The following ZNF569 variants were observed in gnomAD, a reference collection of about 807,000 sequenced individuals.
The protein encoded by ZNF569 is DNA-binding protein.
Under a neutral mutation model 56.3 loss-of-function variants are expected in ZNF569, and 38 were observed. The observed-to-expected ratio is 0.68, with a 90% confidence interval of 0.52 to 0.88. The LOEUF (loss-of-function observed/expected upper bound fraction) is 0.88, where lower values mean the gene tolerates loss of function less well. ZNF569 is among the 40% of genes least tolerant of loss of function. The probability of loss-of-function intolerance (pLI) is 0.00; values close to 1 mark genes in which losing one functional copy is unlikely to be tolerated. For synonymous variants in ZNF569, 241 were observed against 262.9 expected, an observed-to-expected ratio of 0.92 and a Z score of 0.81; for missense variants, 666 against 809.2, an observed-to-expected ratio of 0.82 and a Z score of 2.15.
intron 2 of ZNF569, among the ~76,000 whole-genome samples, chr19:37,458,652 C>T (rs1303485381): frequency 6.6e-6 from 1 of 152,140 alleles, no homozygotes; most frequent in African/African-American, 2.4e-5. Flanking sequence ...GACTGTGAAC[C>T]ACTTATGGCA....
rs2041750742 is a variant in ZNF569, at chr19:37,461,142, T to A, written c.-44+4171A>T. 3.3e-5 allele frequency among the ~76,000 whole-genome samples: 5 copies of A among 152,220 alleles called. No homozygotes were observed. In the South Asian group the frequency reaches 1.0e-3, roughly 32 times the overall value. On this transcript the variant is annotated intron_variant, in intron 2 of 5. Transcript: ENST00000316950. ...CAAAGAGTTGACGAGGAAAATTTTTTCTTTAGGAAAATATTCTAGCTAGTA... is the reference window on the plus strand; with the variant it reads ...CAAAGAGTTGACGAGGAAAATTTTTACTTTAGGAAAATATTCTAGCTAGTA...
Position 37,413,949 on chromosome 19 carries a change from T to A in ZNF569, c.709A>T (p.Ser237Cys), listed in dbSNP as rs1213884238. Residue 237 changes from serine (S) to cysteine (C), a missense_variant, in exon 6 of 6, where the codon AGT becomes TGT. By Grantham distance (112) the Ser-to-Cys change is moderately radical. Coordinates refer to ENST00000316950, the MANE Select transcript of ZNF569 (RefSeq NM_152484.3). ...EKLIKHYKIH[S>C]REQSYKCNEC... The stretch of plus-strand genomic sequence containing the variant: ...TTACATTTGTAAGACTGCTCCCTAC[T>A]GTGAATTTTATAATGTTTAATAAGT... 1.2e-6 allele frequency: 2 copies of A among 1,613,496 alleles called. No individual in the cohort carries two copies. The highest frequency in any genetic ancestry group is 4.5e-5 in the East Asian group (2 of 44,866).
intron 2 of ZNF569, among the ~76,000 whole-genome samples, chr19:37,445,613 T>G (rs1216175388): frequency 1.3e-5 from 2 of 152,108 alleles, no homozygotes; most frequent in African/African-American, 4.8e-5. Flanking sequence ...GGACACAAAA[T>G]TAATGTACAC....
intron 3 of ZNF569, 121 bp downstream of exon 3, chr19:37,444,786 T>C: frequency 1.4e-6 from 1 of 721,648 alleles, no homozygotes; most frequent in Non-Finnish European, 2.2e-6. Context: ...TTCAACTCTA[T>C]TTCCCCTGAA....
In ZNF569 at chr19:37,413,938, C is replaced by A; in HGVS notation, c.720G>T (p.Gln240His). ...IKHYKIHSRE[Q>H]SYKCNECGKA... is the part of the protein sequence containing the mutation. ...TACCACATTCATTACATTTGTAAGA[C>A]TGCTCCCTACTGTGAATTTTATAAT... The change falls in exon 6 of 6, where the codon CAG (glutamine) becomes CAT (histidine). Residue 240 changes from glutamine to histidine, a missense_variant. Coordinates refer to ENST00000316950, the MANE Select transcript of ZNF569 (RefSeq NM_152484.3). The A allele has an allele frequency of 6.2e-7, 1 of 1,613,376 alleles. No homozygotes were observed. Among genetic ancestry groups the A allele is most frequent in the Non-Finnish European group, 8.5e-7 (1 of 1,179,902 alleles).
chr19:37,468,205 C>A (rs1285022535), upstream of ZNF569, among the ~76,000 whole-genome samples: 2 of 151,528 alleles, frequency 1.3e-5, no homozygotes, highest in Admixed American at 1.3e-4. Flanking sequence ...TCTGCCTCGG[C>A]CTTCCGAGTA....
At chr19:37,457,126 C>G (rs150603550) in intron 2 of ZNF569, among the ~76,000 whole-genome samples, 1 of 152,136 alleles carries the variant, frequency 6.6e-6, no homozygotes. Context: ...ACAAACTTCA[C>G]GTTAACTCTT....
intron 2 of ZNF569, among the ~76,000 whole-genome samples, chr19:37,458,025 CATGCCTGGTTA>C (rs987511353): frequency 3.9e-5 from 6 of 152,094 alleles, no homozygotes; most frequent in Non-Finnish European, 8.8e-5. Context: ...CATGCACAAC[CATGCCTGGTTA>C]ATTTTGATAT....
Position 37,425,765 on chromosome 19 carries a change from C to T in ZNF569, c.238+103G>A. The T allele has an allele frequency of 6.9e-6, 7 of 1,020,940 alleles. No homozygotes were observed. In the South Asian group the frequency reaches 7.5e-5, roughly 11 times the overall value. 63.2% of individuals were successfully genotyped at this position (1,020,940 alleles called of 1,614,324 possible). ...TAGGTATGAACCACTGTGCCAACCT[C>T]TGAAAATATCTTTGAAGAATATTTT... On this transcript the variant is annotated intron_variant, in intron 5 of 5. Transcript: ENST00000316950.
At chr19:37,445,751 G>C (rs753997673) in intron 2 of ZNF569, among the ~76,000 whole-genome samples, 1 of 152,142 alleles carries the variant, frequency 6.6e-6, no homozygotes, top group Non-Finnish European at 1.5e-5. Context: ...GGAGGTAAAA[G>C]ATCTCTATAA....
intron 2 of ZNF569, among the ~76,000 whole-genome samples, chr19:37,447,487 AAG>A: frequency 6.6e-6 from 1 of 152,332 alleles, no homozygotes; most frequent in Admixed American, 6.5e-5. Context: ...TGTACTACAG[AAG>A]AGGTTTATGG....
intron 5 of ZNF569, among the ~76,000 whole-genome samples, chr19:37,418,101 A>AAATAATAATAATAATAATAAT (rs199794961): frequency 1.8e-4 from 26 of 143,294 alleles, no homozygotes; most frequent in Admixed American, 1.1e-3. Context: ...ACTCCATCTC[A>AAATAATAATAATAATAATAAT]AATAATAATA....
chr19:37,447,242 G>T (rs546056201), intron 2 of ZNF569, among the ~76,000 whole-genome samples: 1 of 152,156 alleles, frequency 6.6e-6, no homozygotes, highest in Non-Finnish European at 1.5e-5. Flanking sequence ...CCACTCCTGG[G>T]TATTTATCCA....
At chr19:37,444,812 T>C (rs2041465884) in intron 3 of ZNF569, 95 bp downstream of exon 3, 2 of 961,298 alleles carry the variant, frequency 2.1e-6, no homozygotes, top group Non-Finnish European at 3.2e-6. Context: ...GTTTTATGTA[T>C]ACAGACCTTT....
intron 3 of ZNF569, among the ~76,000 whole-genome samples, chr19:37,442,924 G>A (rs1393972875): frequency 6.6e-6 from 1 of 152,168 alleles, no homozygotes; most frequent in Non-Finnish European, 1.5e-5. Flanking sequence ...GTATAGAAAA[G>A]GTATCCTAGA....
At chr19:37,416,258 C>CAAAAAAACAAAAAAAA (rs2040929920) in intron 5 of ZNF569, among the ~76,000 whole-genome samples, 2 of 129,064 alleles carry the variant, frequency 1.5e-5, no homozygotes, top group African/African-American at 5.7e-5. Flanking sequence ...AACAAAAAAA[C>CAAAAAAACAAAAAAAA]AAAAAAACAA....
intron 5 of ZNF569, among the ~76,000 whole-genome samples, chr19:37,419,346 T>C (rs2040990115): frequency 6.6e-6 from 1 of 152,180 alleles, no homozygotes; most frequent in Non-Finnish European, 1.5e-5. Flanking sequence ...AACACAGGCA[T>C]ACTTCAGAGA....
chr19:37,412,752 A>T lies in ZNF569; in HGVS notation c.1906T>A (p.Cys636Ser). The T allele has an allele frequency of 6.2e-7, 1 of 1,614,090 alleles. No individual in the cohort carries two copies. The highest frequency in any genetic ancestry group is 2.2e-5 in the East Asian group (1 of 44,872). ...GAGAAGGCTTTTCCACATTTACTAC[A>T]GTCGAAGGGTTTCTCACCTGTATGT... is the stretch of plus-strand genomic sequence containing the variant. ...RGHTGEKPFDCSKCGKAFSQI... is the reference protein window; with the variant it reads ...RGHTGEKPFDSSKCGKAFSQI... The change falls in exon 6 of 6, where the codon TGT (cysteine) becomes AGT (serine). Residue 636 changes from cysteine to serine, a missense_variant. Transcript: ENST00000316950.
rs2040843410 is a variant in ZNF569 at position 37,411,713 on chromosome 19, G to A, written c.*884C>T. On this transcript the variant is annotated 3_prime_UTR_variant, in exon 6 of 6. Transcript: ENST00000316950. ...ATTTTATTTTTGTATATGATATAAA[G>A]TAGAAAGCTAAAATTTTTCTCCTAT... 2 of 152,208 alleles carry A rather than the reference G, an allele frequency of 1.3e-5. No homozygotes were observed. Among genetic ancestry groups the A allele is most frequent in the South Asian group, 4.1e-4 (2 of 4,832 alleles). 9.4% of individuals were successfully genotyped at this position (152,208 alleles called of 1,614,324 possible).
Sources: gnomAD v4.1 joint callset for allele counts (sites outside exome capture counted in the v4.1 genomes callset) on GRCh38, gnomAD v4.1.1 for gene constraint, MANE v1.5 for transcripts, NCBI Gene and HGNC (gene_info 2026-07-23, HGNC 2026-07-21) for gene names.